UTRN: variants seen among roughly 807,000 people sequenced by gnomAD.
UTRN encodes dystrophin-related protein 1.
UTRN carries 283 observed loss-of-function variants against 463.9 expected under a neutral mutation model. The observed-to-expected ratio is 0.61, with a 90% CI of 0.55 to 0.67. UTRN has a LOEUF of 0.67. UTRN is among the 30% of genes least tolerant of loss of function. The probability of loss-of-function intolerance (pLI) is 0.00; values close to 1 mark genes in which losing one functional copy is unlikely to be tolerated. For missense variants in UTRN, 3,922 were observed against 4,084.3 expected (o/e 0.96, Z 1.08); for synonymous variants, 1,442 against 1,431.5 (o/e 1.01, Z -0.17).
At chr6:144,341,645 T>A (rs377483348) in intron 2 of UTRN, among the ~76,000 whole-genome samples, 5 of 152,214 alleles carry the variant, frequency 3.3e-5, no homozygotes, top group African/African-American at 1.2e-4. Context: ...GTTATGACTA[T>A]TTACTGACAA....
intron 66 of UTRN, among the ~76,000 whole-genome samples, chr6:144,824,773 T>A (rs9497095): frequency 1.9e-5 from 2 of 105,862 alleles, no homozygotes; most frequent in South Asian, 3.4e-4. Flanking sequence ...AAGTTGGTGG[T>A]GGGGGGGGGT....
intron 3 of UTRN, among the ~76,000 whole-genome samples, chr6:144,410,796 A>ATGTGTGTGTG (rs112535909): frequency 6.2e-4 from 87 of 141,278 alleles, no homozygotes; most frequent in African/African-American, 2.1e-3. Flanking sequence ...TGGTGTGTAT[A>ATGTGTGTGTG]TGTGTGTGTG....
chr6:144,722,899 G>T (rs1787365153), intron 53 of UTRN, among the ~76,000 whole-genome samples: 1 of 152,138 alleles, frequency 6.6e-6, no homozygotes, highest in African/African-American at 2.4e-5. Flanking sequence ...GTAATCCCAG[G>T]TGGTACCAGC....
intron 2 of UTRN, among the ~76,000 whole-genome samples, chr6:144,337,908 C>A (rs545169498): frequency 6.6e-6 from 1 of 152,330 alleles, no homozygotes; most frequent in Admixed American, 6.5e-5. Context: ...AGCCATTGCG[C>A]CCAGCCTGGA....
intron 51 of UTRN, among the ~76,000 whole-genome samples, chr6:144,653,403 G>C (rs1417235860): frequency 6.6e-6 from 1 of 151,964 alleles, no homozygotes; most frequent in Admixed American, 6.6e-5. Context: ...GTCAAATATG[G>C]TGAAATCCCA....
chr6:144,613,049 T>G (rs1805694536), intron 51 of UTRN, among the ~76,000 whole-genome samples: 1 of 152,046 alleles, frequency 6.6e-6, no homozygotes, highest in Non-Finnish European at 1.5e-5. Flanking sequence ...ATCCTGTCAT[T>G]TGTGATAGCA....
At chr6:144,303,197 C>A (rs1188439685) in intron 2 of UTRN, among the ~76,000 whole-genome samples, 1 of 152,090 alleles carries the variant, frequency 6.6e-6, no homozygotes, top group African/African-American at 2.4e-5. Context: ...GGAGACTGAG[C>A]AGGGGAAAGG....
intron 51 of UTRN, among the ~76,000 whole-genome samples, chr6:144,633,486 C>A (rs1236251831): frequency 6.6e-6 from 1 of 152,212 alleles, no homozygotes; most frequent in African/African-American, 2.4e-5. Flanking sequence ...CCCGCCTTGG[C>A]CTCCCAAAGT....
intron 51 of UTRN, among the ~76,000 whole-genome samples, chr6:144,579,634 C>G (rs940219515): frequency 1.3e-5 from 2 of 152,086 alleles, no homozygotes; most frequent in Non-Finnish European, 2.9e-5. Context: ...TGTTTAAAAT[C>G]TTTCAAAATA....
At chr6:144,446,863 C>T (rs1251845509) in intron 14 of UTRN, among the ~76,000 whole-genome samples, 1 of 152,218 alleles carries the variant, frequency 6.6e-6, no homozygotes, top group African/African-American at 2.4e-5. Flanking sequence ...ACAAGACAAT[C>T]TCCGAGCTTA....
chr6:144,483,160 A>ATCAT (rs1303765888), intron 27 of UTRN, among the ~76,000 whole-genome samples: 1 of 152,214 alleles, frequency 6.6e-6, no homozygotes, highest in African/African-American at 2.4e-5. Flanking sequence ...CATTACTTTG[A>ATCAT]TCATTCATTC....
At chr6:144,504,041 C>T (rs1794473249) in intron 34 of UTRN, among the ~76,000 whole-genome samples, 1 of 152,008 alleles carries the variant, frequency 6.6e-6, no homozygotes, top group Non-Finnish European at 1.5e-5. Context: ...ATTTGGCTCT[C>T]TATTATTGGT....
At chr6:144,392,621 G>C (rs549290659) in intron 2 of UTRN, among the ~76,000 whole-genome samples, 1 of 152,176 alleles carries the variant, frequency 6.6e-6, no homozygotes, top group African/African-American at 2.4e-5. Flanking sequence ...CCACTCTGGA[G>C]TTTAGCCTTT....
intron 52 of UTRN, among the ~76,000 whole-genome samples, chr6:144,683,429 G>A (rs575957814): frequency 1.3e-5 from 2 of 152,106 alleles, no homozygotes; most frequent in African/African-American, 4.8e-5. Flanking sequence ...CAAGGAGTGG[G>A]AGGAGTGTTC....
intron 23 of UTRN, among the ~76,000 whole-genome samples, chr6:144,470,429 G>A (rs917865264): frequency 3.9e-5 from 6 of 151,940 alleles, no homozygotes; most frequent in Non-Finnish European, 4.4e-5. Flanking sequence ...TCCCAGACGG[G>A]GTCGCGGCCG....
At chr6:144,435,519 C>T (rs1786453139) in intron 9 of UTRN, among the ~76,000 whole-genome samples, 1 of 152,184 alleles carries the variant, frequency 6.6e-6, no homozygotes, top group Non-Finnish European at 1.5e-5. Flanking sequence ...CTTTCTTTTT[C>T]TTTAAATTAC....
At chr6:144,542,116 C>T (rs1048185312) in intron 45 of UTRN, among the ~76,000 whole-genome samples, 1 of 152,038 alleles carries the variant, frequency 6.6e-6, no homozygotes, top group South Asian at 2.1e-4. Context: ...AGAGGAAAGT[C>T]ATGTTTTTGA....
intron 54 of UTRN, among the ~76,000 whole-genome samples, chr6:144,731,299 A>C (rs78252250): frequency 6.6e-6 from 1 of 152,308 alleles, no homozygotes; most frequent in African/African-American, 2.4e-5. Flanking sequence ...ACTTAAGAGA[A>C]AATGTGTAAT....
At chr6:144,673,311 C>T (rs946053248) in intron 51 of UTRN, among the ~76,000 whole-genome samples, 2 of 152,096 alleles carry the variant, frequency 1.3e-5, no homozygotes, top group Admixed American at 6.6e-5. Flanking sequence ...CCATCTGTCC[C>T]ATTTCTTAGG....
Sources: gnomAD v4.1 joint callset for allele counts (sites outside exome capture counted in the v4.1 genomes callset) on GRCh38, gnomAD v4.1.1 for gene constraint, MANE v1.5 for transcripts, NCBI Gene and HGNC (gene_info 2026-07-23, HGNC 2026-07-21) for gene names.